EML6: variants seen among roughly 807,000 people sequenced by gnomAD.
EML6 encodes echinoderm microtubule-associated protein-like 6.
EML6 carries 154 observed loss-of-function variants against 240.1 expected under a neutral mutation model. The observed-to-expected ratio is 0.64, with a 90% CI of 0.56 to 0.73. EML6 has a LOEUF of 0.73. EML6 is among the 30% of genes least tolerant of loss of function. The probability of loss-of-function intolerance (pLI) is 0.00; values close to 1 mark genes in which losing one functional copy is unlikely to be tolerated. For missense variants in EML6, 2,964 were observed against 2,474.6 expected (o/e 1.20, Z -4.20); for synonymous variants, 1,148 against 899.0 (o/e 1.28, Z -4.95).
intron 10 of EML6, among the ~76,000 whole-genome samples, chr2:54,850,569 A>G (rs1670023561): frequency 1.6e-5 from 2 of 127,822 alleles, no homozygotes; most frequent in African/African-American, 5.6e-5. Context: ...GCCTAAGGAT[A>G]AGAGCAAGGA....
At chr2:54,826,056 C>A (rs1158793522) in intron 5 of EML6, among the ~76,000 whole-genome samples, 2 of 152,198 alleles carry the variant, frequency 1.3e-5, no homozygotes, top group Non-Finnish European at 2.9e-5. Context: ...TCTGAATATG[C>A]TACCTTAAAA....
intron 31 of EML6, among the ~76,000 whole-genome samples, chr2:54,953,608 C>T (rs114415571): frequency 1.2e-3 from 181 of 152,208 alleles, no homozygotes; most frequent in Middle Eastern, 0.01. Flanking sequence ...AAGGCTTTTG[C>T]AGGCCGGGCG....
chr2:54,917,358 G>GTTTTTTTTTTTTTTTTTTTT (rs147785699), intron 26 of EML6, among the ~76,000 whole-genome samples: 2 of 123,820 alleles, frequency 1.6e-5, no homozygotes, highest in Non-Finnish European at 3.3e-5. Context: ...TTTTTTTTTT[G>GTTTTTTTTTTTTTTTTTTTT]TTTTTTTTTT....
At chr2:54,845,178 T>A (rs1669681693) in intron 8 of EML6, among the ~76,000 whole-genome samples, 1 of 152,226 alleles carries the variant, frequency 6.6e-6, no homozygotes, top group Non-Finnish European at 1.5e-5. Flanking sequence ...TTTCCATCTC[T>A]ACCAAGCACG....
intron 35 of EML6, among the ~76,000 whole-genome samples, chr2:54,961,186 T>TGTTTTTTTTTTG (rs796179489): frequency 2.1e-5 from 2 of 93,196 alleles, no homozygotes; most frequent in African/African-American, 8.9e-5. Flanking sequence ...AGGAAGTAGT[T>TGTTTTTTTTTTG]TTTTTTTTTT....
intron 37 of EML6, 21 bp from the exon 38 acceptor site, chr2:54,964,550 C>T (rs759021109): frequency 1.9e-6 from 3 of 1,551,512 alleles, no homozygotes; most frequent in South Asian, 1.2e-5. Context: ...ATGGACTCTG[C>T]TCTCGGATTG....
chr2:54,807,551 C>T (rs1299601506), intron 2 of EML6, among the ~76,000 whole-genome samples: 3 of 152,144 alleles, frequency 2.0e-5, no homozygotes, highest in Non-Finnish European at 4.4e-5. Flanking sequence ...CCCACTATGG[C>T]TGACTTCAAG....
At chr2:54,869,717 A>G (rs1322387046) in intron 15 of EML6, among the ~76,000 whole-genome samples, 8 of 152,214 alleles carry the variant, frequency 5.3e-5, no homozygotes, top group Admixed American at 5.2e-4. Context: ...TATTGAATGA[A>G]CCATTTAAAA....
intron 7 of EML6, among the ~76,000 whole-genome samples, chr2:54,840,842 G>A (rs1216355337): frequency 6.6e-6 from 1 of 152,206 alleles, no homozygotes. Flanking sequence ...TACAGTAAAA[G>A]TAGATTATTT....
intron 28 of EML6, among the ~76,000 whole-genome samples, chr2:54,933,897 C>T (rs1350330085): frequency 6.6e-6 from 1 of 152,134 alleles, no homozygotes; most frequent in Non-Finnish European, 1.5e-5. Context: ...CCAGATAAAG[C>T]CCCTCATGGT....
chr2:54,789,061 T>C (rs1447209424), intron 2 of EML6, among the ~76,000 whole-genome samples: 1 of 152,228 alleles, frequency 6.6e-6, no homozygotes, highest in East Asian at 1.9e-4. Flanking sequence ...TCATCTGTTA[T>C]CCTTTCTCTT....
intron 2 of EML6, among the ~76,000 whole-genome samples, chr2:54,776,943 G>A (rs1473717951): frequency 6.6e-6 from 1 of 152,082 alleles, no homozygotes; most frequent in Non-Finnish European, 1.5e-5. Context: ...ATAAATTTAA[G>A]AGATTCTTTG....
chr2:54,842,075 C>T (rs1669490465), intron 7 of EML6, among the ~76,000 whole-genome samples: 1 of 152,138 alleles, frequency 6.6e-6, no homozygotes, highest in South Asian at 2.1e-4. Flanking sequence ...CTTGACGTGT[C>T]ATTATCACCC....
chr2:54,850,060 A>G lies in EML6; in HGVS notation c.1286A>G (p.Asp429Gly), dbSNP rs766571815. ...TCTTACCTTGCAGTGGGATCCAATG[A>G]TGGCCCAGTAGATGTCTATGCTGTT... ...DGSYLAVGSNDGPVDVYAVAQ... is the reference protein window; with the variant it reads ...DGSYLAVGSNGGPVDVYAVAQ... Residue 429 changes from aspartate (D) to glycine (G), a missense_variant, in exon 10 of 42, where the codon GAT becomes GGT. Transcript: ENST00000356458. 8 of 1,552,112 alleles carry G rather than the reference A, an allele frequency of 5.2e-6. No homozygotes were observed. Among genetic ancestry groups the G allele is most frequent in the Non-Finnish European group, 6.1e-6 (7 of 1,147,066 alleles).
chr2:54,966,953 G>C lies in EML6; in HGVS notation c.5494-47G>C, dbSNP rs1040576999. 14 of 1,275,826 alleles carry C rather than the reference G, an allele frequency of 1.1e-5. No homozygotes were observed. The African/African-American group carries it at 2.1e-4, about 19-fold the overall frequency. 79.0% of individuals were successfully genotyped at this position (1,275,826 alleles called of 1,614,324 possible). On this transcript the variant is annotated intron_variant, in intron 38 of 41. Transcript: ENST00000356458. The stretch of plus-strand genomic sequence containing the variant: ...AAACTGTGCCCAAAGGGAGTCTGTG[G>C]GACTGAGAAAGAACGTTGATGAACA...
At chr2:54,933,994 C>T (rs1173161403) in intron 28 of EML6, among the ~76,000 whole-genome samples, 1 of 152,034 alleles carries the variant, frequency 6.6e-6, no homozygotes, top group Non-Finnish European at 1.5e-5. Context: ...TTTGAATCAC[C>T]ACTTTGAAGG....
At chr2:54,753,211 C>G (rs1684252950) in intron 2 of EML6, among the ~76,000 whole-genome samples, 1 of 152,164 alleles carries the variant, frequency 6.6e-6, no homozygotes, top group Non-Finnish European at 1.5e-5. Flanking sequence ...TTTTAATTAT[C>G]CTGGTGTGGA....
intron 16 of EML6, 121 bp from the exon 17 acceptor site, chr2:54,879,426 A>C (rs1284840016): frequency 9.0e-6 from 6 of 668,962 alleles, no homozygotes; most frequent in Non-Finnish European, 1.6e-5. Context: ...GGCAGCTATC[A>C]CATCCATCAC....
rs1351480973 is a variant in EML6 at position 54,922,060 on chromosome 2, C to G, written c.3675+5125C>G. Among the ~76,000 whole-genome samples the G allele has an allele frequency of 2.0e-5, 3 of 151,874 alleles. No individual in the cohort carries two copies. The East Asian group carries it at 5.8e-4, about 29-fold the overall frequency. ...GCCAAAGCACAAGCAAAAACAAAAGCAAGTGAGACAACATCAAACTAAAAA... is the reference window on the plus strand; with the variant it reads ...GCCAAAGCACAAGCAAAAACAAAAGGAAGTGAGACAACATCAAACTAAAAA... On this transcript the variant is annotated intron_variant, in intron 26 of 41. Transcript: ENST00000356458.
Sources: allele counts gnomAD v4.1 joint callset (sites outside exome capture counted in the v4.1 genomes callset), GRCh38; gene constraint gnomAD v4.1.1; transcripts MANE v1.5; gene names NCBI Gene and HGNC (gene_info 2026-07-23, HGNC 2026-07-21).